ADAM29: variants seen among roughly 807,000 people sequenced by gnomAD.
ADAM29 encodes disintegrin and metalloproteinase domain-containing protein 29.
For missense variants in ADAM29, 969 were observed against 1,001.8 expected, an observed-to-expected ratio of 0.97 and a Z score of 0.44; for synonymous variants, 367 against 342.3, an observed-to-expected ratio of 1.07 and a Z score of -0.80.
Position 174,976,650 on chromosome 4 carries a change from G to A in ADAM29, c.1125G>A (p.Trp375Ter), listed in dbSNP as rs761724551. ...KFSNCSYGDF[W>*]EYTVERTKCL... ...GCAATTGTAGTTATGGTGATTTTTG[G>A]GAATATACTGTAGAGAGGACAAAGT... The change falls in exon 5 of 5, where the codon TGG (tryptophan) becomes TGA (stop). Residue 375 changes from tryptophan to a stop codon, truncating the protein, a stop_gained. Coordinates refer to ENST00000359240, the MANE Select transcript of ADAM29 (RefSeq NM_014269.4). LOFTEE classifies it low-confidence loss of function (END_TRUNC). 6.1e-5 allele frequency: 98 copies of A among 1,613,308 alleles called. No homozygotes were observed. The highest frequency in any genetic ancestry group is 8.1e-5 in the Non-Finnish European group (96 of 1,179,756).
At chr4:174,936,623 T>C (rs763261583) in intron 3 of ADAM29, among the ~76,000 whole-genome samples, 5 of 152,022 alleles carry the variant, frequency 3.3e-5, no homozygotes, top group Non-Finnish European at 5.9e-5. Context: ...CCACTTGTAT[T>C]TGAATGGCAA....
chr4:174,964,267 G>A (rs573996604), intron 4 of ADAM29, among the ~76,000 whole-genome samples: 1 of 151,860 alleles, frequency 6.6e-6, no homozygotes, highest in South Asian at 2.1e-4. Flanking sequence ...CACACAAGAG[G>A]CATCAAAGAT....
chr4:174,926,447 GAC>G lies in ADAM29; in HGVS notation c.-450-4537_-450-4536del, dbSNP rs1039032042. ...AGATTTAATAAGGCAAAAGTATAAG[GAC>G]AGATGAGTTATGTTTTCCATTAAAA... is the stretch of plus-strand genomic sequence containing the variant. On this transcript the variant is annotated intron_variant, in intron 2 of 4. Coordinates refer to ENST00000359240, the MANE Select transcript of ADAM29 (RefSeq NM_014269.4). 2.6e-4 allele frequency among the ~76,000 whole-genome samples: 39 copies of G among 151,966 alleles called. 1 individual carries two copies. Among genetic ancestry groups the G allele is most frequent in the African/African-American group, 9.2e-4 (38 of 41,466 alleles).
chr4:174,952,024 A>G (rs1313648920), intron 4 of ADAM29, among the ~76,000 whole-genome samples: 1 of 152,178 alleles, frequency 6.6e-6, no homozygotes, highest in Non-Finnish European at 1.5e-5. Flanking sequence ...AAGTGTTTTT[A>G]CCACACAAAT....
At chr4:174,945,189 A>C (rs1197049369) in intron 4 of ADAM29, among the ~76,000 whole-genome samples, 2 of 152,068 alleles carry the variant, frequency 1.3e-5, no homozygotes, top group Admixed American at 6.6e-5. Context: ...ACTTTTTAAT[A>C]ATACCCATAC....
chr4:174,949,830 TCCC>T (rs1216840022), intron 4 of ADAM29, among the ~76,000 whole-genome samples: 4 of 152,090 alleles, frequency 2.6e-5, no homozygotes, highest in African/African-American at 9.7e-5. Context: ...ATTAATCCTT[TCCC>T]CCTCACTTTC....
intron 4 of ADAM29, among the ~76,000 whole-genome samples, chr4:174,961,960 C>T (rs1370119710): frequency 1.3e-5 from 2 of 151,894 alleles, no homozygotes; most frequent in Admixed American, 1.3e-4. Flanking sequence ...TTTTTTCTTT[C>T]TATTAATTAT....
intron 3 of ADAM29, chr4:174,931,397 A>G (rs1743864786): frequency 6.6e-6 from 1 of 152,180 alleles, no homozygotes; most frequent in Non-Finnish European, 1.5e-5. Context: ...ATTTCAAAAT[A>G]AGGTTCTGAA....
At chr4:174,923,533 A>ATG (rs1560857110) in intron 2 of ADAM29, among the ~76,000 whole-genome samples, 1,602 of 79,958 alleles carry the variant, frequency 0.02, 52 homozygotes, top group African/African-American at 0.061. Context: ...ATGTATATAT[A>ATG]TATATATATA....
intron 4 of ADAM29, among the ~76,000 whole-genome samples, chr4:174,946,923 T>G (rs1429775852): frequency 2.0e-5 from 3 of 152,146 alleles, no homozygotes; most frequent in Non-Finnish European, 4.4e-5. Flanking sequence ...ATTTTGGAAC[T>G]CATTATTGGT....
intron 2 of ADAM29, among the ~76,000 whole-genome samples, chr4:174,927,425 A>T (rs935633955): frequency 2.0e-5 from 3 of 152,162 alleles, no homozygotes; most frequent in African/African-American, 7.2e-5. Flanking sequence ...CACCTTTACT[A>T]TGTTGAATGT....
Position 174,958,608 on chromosome 4 carries a change from C to T in ADAM29, c.-180-16738C>T, listed in dbSNP as rs147542032. 2.0e-3 allele frequency among the ~76,000 whole-genome samples: 298 copies of T among 151,780 alleles called. 1 individual carries two copies. The highest frequency in any genetic ancestry group is 3.4e-3 in the Middle Eastern group (1 of 294). ...AGGCTAATAATTATTGCTATTTTAC[C>T]GATGTCATTAGACATATTTAAAGTG... On this transcript the variant is annotated intron_variant, in intron 4 of 4. Transcript: ENST00000359240.
At chr4:174,961,595 T>A (rs186759733) in intron 4 of ADAM29, among the ~76,000 whole-genome samples, 380 of 152,194 alleles carry the variant, frequency 2.5e-3, no homozygotes, top group Non-Finnish European at 4.2e-3. Context: ...TATTTAAAAA[T>A]CATTTCTCGT....
intron 4 of ADAM29, among the ~76,000 whole-genome samples, chr4:174,952,705 C>T (rs894705173): frequency 1.1e-4 from 17 of 148,014 alleles, no homozygotes; most frequent in Admixed American, 1.0e-3. Context: ...TTCTGGTATT[C>T]TGTCGTTCAC....
rs995068076 is a variant in ADAM29 at position 174,976,544 on chromosome 4, T to C, written c.1019T>C (p.Met340Thr). 20 of 1,602,970 alleles carry C rather than the reference T, an allele frequency of 1.2e-5. No homozygotes were observed. The highest frequency in any genetic ancestry group is 1.6e-5 in the Non-Finnish European group (19 of 1,175,142). Residue 340 changes from methionine to threonine, a missense_variant, in exon 5 of 5, where the codon ATG becomes ACG. Transcript: ENST00000359240. ...VAHHLGHNLG[M>T]NHDEDTCRCS... Reference sequence around the variant, plus strand: ...CATCATCTAGGTCATAATTTGGGCATGAACCATGATGAGGATACATGTCGT... The same window carrying C: ...CATCATCTAGGTCATAATTTGGGCACGAACCATGATGAGGATACATGTCGT...
At chr4:174,944,527 T>G (rs1472760832) in intron 4 of ADAM29, among the ~76,000 whole-genome samples, 1 of 152,174 alleles carries the variant, frequency 6.6e-6, no homozygotes, top group Admixed American at 6.6e-5. Context: ...TGTATTTTTT[T>G]TTAATTAAAC....
Position 174,958,120 on chromosome 4 carries a change from G to A in ADAM29, c.-180-17226G>A, listed in dbSNP as rs118121942. Among the ~76,000 whole-genome samples the A allele has an allele frequency of 3.1e-4, 47 of 151,884 alleles. 1 individual carries two copies. The East Asian group carries it at 4.6e-3, about 15-fold the overall frequency. ...AAATATTCTATATAAGCTTAAATATGTGTTTTGCTGTTTTTAAATAGAGTG... is the reference window on the plus strand; with the variant it reads ...AAATATTCTATATAAGCTTAAATATATGTTTTGCTGTTTTTAAATAGAGTG... On this transcript the variant is annotated intron_variant, in intron 4 of 4. Transcript: ENST00000359240.
chr4:174,960,265 A>G (rs1043330687), intron 4 of ADAM29, among the ~76,000 whole-genome samples: 3 of 151,644 alleles, frequency 2.0e-5, no homozygotes, highest in Admixed American at 6.6e-5. Context: ...TGGTCTGTTA[A>G]TTTTTTTCAT....
chr4:174,943,436 T>C (rs538075952), intron 4 of ADAM29, among the ~76,000 whole-genome samples: 12 of 152,324 alleles, frequency 7.9e-5, no homozygotes, highest in Non-Finnish European at 1.2e-4. Context: ...TAGTTCCACA[T>C]AGCTTTGGAG....
Sources: gnomAD v4.1 joint callset for allele counts (sites outside exome capture counted in the v4.1 genomes callset) on GRCh38, gnomAD v4.1.1 for gene constraint, MANE v1.5 for transcripts, NCBI Gene and HGNC (gene_info 2026-07-23, HGNC 2026-07-21) for gene names.